AP3B1: variants seen among roughly 807,000 people sequenced by gnomAD.
AP3B1 encodes AP-3 complex subunit beta-1.
AP3B1 carries 61 observed loss-of-function variants against 132.5 expected under a neutral mutation model. The ratio of observed to expected loss-of-function variants is 0.46; its 90% CI spans 0.37 to 0.57. The LOEUF (loss-of-function observed/expected upper bound fraction) is 0.57, where lower values mean the gene tolerates loss of function less well. Ranked by LOEUF, AP3B1 falls within the 20% of genes least tolerant of loss-of-function variation. AP3B1 has a pLI of 0.00. For synonymous variants in AP3B1, 388 were observed against 438.3 expected (o/e 0.89, Z 1.43); for missense variants, 1,120 against 1,289.4 (o/e 0.87, Z 2.01).
intron 6 of AP3B1, among the ~76,000 whole-genome samples, chr5:78,222,711 T>G (rs1015099342): frequency 6.6e-6 from 1 of 151,598 alleles, no homozygotes; most frequent in East Asian, 1.9e-4. Flanking sequence ...GAATATAAAA[T>G]TTATCACTCA....
At chr5:78,105,651 G>T (rs917752508) in intron 20 of AP3B1, among the ~76,000 whole-genome samples, 5 of 152,092 alleles carry the variant, frequency 3.3e-5, no homozygotes, top group African/African-American at 1.2e-4. Context: ...TGGAACAAAA[G>T]AATTACTTCA....
At chr5:78,225,482 AATG>A in intron 6 of AP3B1, 57 bp downstream of exon 6, 14 of 910,496 alleles carry the variant, frequency 1.5e-5, no homozygotes, top group Non-Finnish European at 2.5e-5. Context: ...TATAATGGTA[AATG>A]ATACTATGTA....
chr5:78,271,391 A>G (rs1343152763), intron 1 of AP3B1, among the ~76,000 whole-genome samples: 4 of 152,244 alleles, frequency 2.6e-5, no homozygotes, highest in Non-Finnish European at 5.9e-5. Flanking sequence ...ATTGCACTCC[A>G]GCCTGGGCAA....
intron 1 of AP3B1, among the ~76,000 whole-genome samples, chr5:78,279,981 A>C (rs1748981609): frequency 6.9e-6 from 1 of 144,056 alleles, no homozygotes; most frequent in Admixed American, 7.0e-5. Flanking sequence ...AGGAGGCTGA[A>C]GTGGGAGGAT....
At chr5:78,050,862 A>T (rs1227625413) in intron 22 of AP3B1, among the ~76,000 whole-genome samples, 2 of 152,320 alleles carry the variant, frequency 1.3e-5, no homozygotes, top group East Asian at 3.9e-4. Context: ...CTCGTGAGGA[A>T]GTAATTAGTT....
At chr5:78,213,100 T>G (rs553788252) in intron 7 of AP3B1, among the ~76,000 whole-genome samples, 4 of 151,852 alleles carry the variant, frequency 2.6e-5, no homozygotes, top group Non-Finnish European at 5.9e-5. Context: ...AGGATGGTCT[T>G]GATCTCCTGA....
intron 2 of AP3B1, among the ~76,000 whole-genome samples, chr5:78,243,002 T>C (rs948426449): frequency 2.6e-5 from 4 of 152,250 alleles, no homozygotes; most frequent in Admixed American, 2.0e-4. Flanking sequence ...AAATATGTGA[T>C]ACTTGAAGCA....
intron 13 of AP3B1, among the ~76,000 whole-genome samples, chr5:78,159,399 A>G (rs1287685789): frequency 6.6e-6 from 1 of 152,208 alleles, no homozygotes; most frequent in Non-Finnish European, 1.5e-5. Context: ...GTACAGTTCT[A>G]AAGTCAGAAG....
At chr5:78,029,735 C>T (rs760537099) in intron 24 of AP3B1, among the ~76,000 whole-genome samples, 5 of 152,074 alleles carry the variant, frequency 3.3e-5, no homozygotes, top group Non-Finnish European at 5.9e-5. Flanking sequence ...CTCCTGGCCT[C>T]GAGGGATCCT....
intron 22 of AP3B1, among the ~76,000 whole-genome samples, chr5:78,066,462 A>G (rs1749293707): frequency 6.6e-6 from 1 of 152,240 alleles, no homozygotes; most frequent in Admixed American, 6.5e-5. Context: ...CAGTTTAGGC[A>G]GGAATATAAA....
At chr5:78,246,323 A>T (rs1747378601) in intron 2 of AP3B1, among the ~76,000 whole-genome samples, 2 of 152,172 alleles carry the variant, frequency 1.3e-5, no homozygotes, top group Admixed American at 1.3e-4. Context: ...TTTACTCTCC[A>T]TCCAATCCTC....
At chr5:78,076,160 C>A (rs1277899473) in intron 22 of AP3B1, among the ~76,000 whole-genome samples, 1 of 152,122 alleles carries the variant, frequency 6.6e-6, no homozygotes, top group Non-Finnish European at 1.5e-5. Context: ...ACGGATACTT[C>A]CAAATGGGCA....
At chr5:78,038,404 G>T (rs1252413807) in intron 23 of AP3B1, among the ~76,000 whole-genome samples, 1 of 152,162 alleles carries the variant, frequency 6.6e-6, no homozygotes, top group Non-Finnish European at 1.5e-5. Context: ...AAGAAGAATT[G>T]TCTTGGGCCA....
intron 7 of AP3B1, among the ~76,000 whole-genome samples, chr5:78,193,770 A>ATATATATATATATATTTTTTTTTTT: frequency 1.6e-4 from 11 of 67,208 alleles, no homozygotes; most frequent in East Asian, 3.3e-4. Context: ...ATATATATAT[A>ATATATATATATATATTTTTTTTTTT]TTTTTTTTTT....
intron 14 of AP3B1, among the ~76,000 whole-genome samples, chr5:78,154,947 G>A (rs1743085834): frequency 6.6e-6 from 1 of 152,002 alleles, no homozygotes; most frequent in African/African-American, 2.4e-5. Context: ...CTCTAGTATT[G>A]GCCCCTGACG....
intron 13 of AP3B1, among the ~76,000 whole-genome samples, chr5:78,159,691 T>C (rs1166656348): frequency 1.3e-5 from 2 of 152,240 alleles, no homozygotes; most frequent in Non-Finnish European, 2.9e-5. Flanking sequence ...CTGCGAAGTC[T>C]CTTTTTCCAC....
chr5:78,035,082 T>C lies in AP3B1; in HGVS notation c.2810-637A>G, dbSNP rs1317886643. On this transcript the variant is annotated intron_variant, in intron 23 of 26. Coordinates refer to ENST00000255194, the MANE Select transcript of AP3B1 (RefSeq NM_003664.5). Reference sequence around the variant, plus strand: ...AAAAATAAAATGACATTTGATAGATTTGGAATTTCAGAAGCTTCATCTATC... The same window carrying C: ...AAAAATAAAATGACATTTGATAGATCTGGAATTTCAGAAGCTTCATCTATC... 2.6e-5 allele frequency among the ~76,000 whole-genome samples: 4 copies of C among 151,898 alleles called. No homozygotes were observed. In the East Asian group the frequency reaches 7.7e-4, roughly 29 times the overall value.
chr5:78,290,893 T>G (rs942154500), intron 1 of AP3B1, among the ~76,000 whole-genome samples: 2 of 152,132 alleles, frequency 1.3e-5, no homozygotes, highest in African/African-American at 2.4e-5. Context: ...GAGGCTGCAG[T>G]GAGCCATGAT....
At chr5:78,114,786 G>A (rs917621396) in intron 18 of AP3B1, among the ~76,000 whole-genome samples, 6 of 152,184 alleles carry the variant, frequency 3.9e-5, no homozygotes, top group African/African-American at 1.4e-4. Context: ...CCATCACAGT[G>A]AAAACCTAGG....
Sources: gnomAD v4.1 joint callset for allele counts (sites outside exome capture counted in the v4.1 genomes callset) on GRCh38, gnomAD v4.1.1 for gene constraint, MANE v1.5 for transcripts, NCBI Gene and HGNC (gene_info 2026-07-23, HGNC 2026-07-21) for gene names.